Variants in FANCD2 observed in about 807,000 individuals in gnomAD.
The protein encoded by FANCD2 is FA complementation group D2.
Under a neutral mutation model 192.3 loss-of-function variants are expected in FANCD2, and 131 were observed. That is an observed-to-expected ratio of 0.68 (90% confidence interval 0.59 to 0.79). The LOEUF is 0.79. Among genes scored for constraint, FANCD2 ranks in the 30% least tolerant of loss-of-function variants. The pLI is 0.00. For missense variants in FANCD2, 1,508 were observed against 1,701.6 expected, an observed-to-expected ratio of 0.89 and a Z score of 2.00; for synonymous variants, 524 against 612.5, an observed-to-expected ratio of 0.86 and a Z score of 2.13.
At chr3:10,051,298 G>A (rs370987400) in intron 17 of FANCD2, among the ~76,000 whole-genome samples, 192 of 145,644 alleles carry the variant, frequency 1.3e-3, no homozygotes, top group Non-Finnish European at 2.3e-3. Context: ...GGAGAATGGC[G>A]TGAACCCAGG....
chr3:10,071,197 C>T (rs1693226052), intron 26 of FANCD2, among the ~76,000 whole-genome samples: 1 of 150,622 alleles, frequency 6.6e-6, no homozygotes, highest in Admixed American at 6.6e-5. Context: ...ATAACAGATG[C>T]TGGTGAGAAT....
At chr3:10,049,647 C>T (rs2087138660) in intron 17 of FANCD2, 142 bp downstream of exon 17, 2 of 832,926 alleles carry the variant, frequency 2.4e-6, no homozygotes, top group Non-Finnish European at 4.0e-6. Flanking sequence ...GCAAACACTT[C>T]TTTATACCTA....
Position 10,093,269 on chromosome 3 carries a change from T to G in FANCD2, c.3850-16T>G. The stretch of plus-strand genomic sequence containing the variant: ...AGCAGATCTCAGCCTTGGTTTCTTG[T>G]CTTTCACCTCTCCAGGTATTTGATA... On this transcript the variant is annotated splice_polypyrimidine_tract_variant and intron_variant, in intron 38 of 43. Transcript: ENST00000675286. 6.2e-7 allele frequency: 1 copy of G among 1,612,062 alleles called. No individual in the cohort carries two copies. Among genetic ancestry groups the G allele is most frequent in the South Asian group, 1.1e-5 (1 of 91,046 alleles).
chr3:10,078,320 G>A, intron 30 of FANCD2, 123 bp downstream of exon 30: 3 of 737,048 alleles, frequency 4.1e-6, no homozygotes, highest in Admixed American at 3.7e-5. Context: ...CATGGGTGCA[G>A]CCGTATTGCC....
At chr3:10,054,548 A>G (rs1167508098) in intron 18 of FANCD2, among the ~76,000 whole-genome samples, 2 of 120,050 alleles carry the variant, frequency 1.7e-5, no homozygotes, top group African/African-American at 3.3e-5. Context: ...CAGTGGCGCA[A>G]TCTCGGCTCC....
At chr3:10,047,524 G>T (rs1306141723) in intron 15 of FANCD2, among the ~76,000 whole-genome samples, 2 of 152,294 alleles carry the variant, frequency 1.3e-5, no homozygotes, top group African/African-American at 2.4e-5. Context: ...AAAAAAATCA[G>T]CTTAGTTAGC....
At position 10,039,325 on chromosome 3, in the gene FANCD2, C is replaced by T. The variant is rs373835427; in HGVS notation, c.538C>T (p.Leu180=). The T allele has an allele frequency of 7.9e-5, 128 of 1,613,774 alleles. No homozygotes were observed. Among genetic ancestry groups the T allele is most frequent in the Admixed American group, 2.3e-4 (14 of 60,004 alleles). ...INIPRLIVSQ[L]KWLDRVVDGK... ...CATACCTCGACTCATTGTCAGTCAA[C>T]TAAAATGGCTTGACAGAGTTGTGGA... The change falls in exon 8 of 44, where the codon CTA becomes TTA. Residue 180 remains leucine (L), a synonymous_variant. Coordinates refer to ENST00000675286, the MANE Select transcript of FANCD2 (RefSeq NM_001018115.3).
At chr3:10,031,274 C>T (rs570580490) in intron 2 of FANCD2, among the ~76,000 whole-genome samples, 21 of 152,138 alleles carry the variant, frequency 1.4e-4, no homozygotes, top group South Asian at 4.1e-4. Flanking sequence ...GTGGCCAAGG[C>T]GGGCAGATCA....
At chr3:10,057,429 A>G in intron 18 of FANCD2, among the ~76,000 whole-genome samples, 1 of 151,404 alleles carries the variant, frequency 6.6e-6, no homozygotes, top group Non-Finnish European at 1.5e-5. Context: ...CAGTGGCACA[A>G]TCTCAGCTCA....
Position 10,101,295 on chromosome 3 carries a change from T to A in FANCD2, c.*33T>A. 6.8e-7 allele frequency: 1 copy of A among 1,466,594 alleles called. No homozygotes were observed. Among genetic ancestry groups the A allele is most frequent in the Non-Finnish European group, 9.6e-7 (1 of 1,044,772 alleles). 90.8% of individuals were successfully genotyped at this position (1,466,594 alleles called of 1,614,324 possible). A position where few individuals can be genotyped will look rare whatever the true frequency, so the allele number is the denominator to read the frequency against. On this transcript the variant is annotated 3_prime_UTR_variant, in exon 44 of 44. Transcript: ENST00000675286. ...ATAAATTGTTGCCTGCTTCTGTGTC[T>A]CTGCCAGCCTGTGATCATTTTGTGT...
intron 40 of FANCD2, 65 bp from the exon 41 acceptor site, chr3:10,095,135 G>C (rs1437483103): frequency 7.5e-6 from 10 of 1,328,908 alleles, no homozygotes; most frequent in Admixed American, 6.9e-5. Flanking sequence ...TGATTGCAAG[G>C]GTATCTTGAA....
chr3:10,052,558 C>T, intron 18 of FANCD2, 61 bp downstream of exon 18: 1 of 1,148,674 alleles, frequency 8.7e-7, no homozygotes, highest in Non-Finnish European at 1.3e-6. Context: ...AGCTCTGTCT[C>T]CTAGACTGGA....
At chr3:10,046,953 C>G (rs1177253980) in intron 15 of FANCD2, among the ~76,000 whole-genome samples, 5 of 152,298 alleles carry the variant, frequency 3.3e-5, no homozygotes, top group African/African-American at 7.2e-5. Flanking sequence ...ATAGGACCAG[C>G]CTGTAGAAAC....
Position 10,063,787 on chromosome 3 carries a change from T to C in FANCD2, c.1828-5T>C, listed in dbSNP as rs1329543338. ...GGTTTAAACCATTCTTCCTCTTTGCTCCAGGTGACCTCCTTGTTGCAGTTG... is the reference window on the plus strand; with the variant it reads ...GGTTTAAACCATTCTTCCTCTTTGCCCCAGGTGACCTCCTTGTTGCAGTTG... On this transcript the variant is annotated splice_region_variant and splice_polypyrimidine_tract_variant and intron_variant, in intron 20 of 43. Coordinates refer to ENST00000675286, the MANE Select transcript of FANCD2 (RefSeq NM_001018115.3). The C allele has an allele frequency of 1.9e-6, 3 of 1,614,236 alleles. No individual in the cohort carries two copies. Among genetic ancestry groups the C allele is most frequent in the Non-Finnish European group, 2.5e-6 (3 of 1,180,040 alleles).
chr3:10,028,026 G>T (rs1289155792), intron 1 of FANCD2, among the ~76,000 whole-genome samples: 2 of 147,276 alleles, frequency 1.4e-5, no homozygotes, highest in Admixed American at 1.4e-4. Context: ...CAGCCTAGCC[G>T]ACATGGTGAA....
chr3:10,052,582 G>T (rs554043344), intron 18 of FANCD2, 85 bp downstream of exon 18: 3 of 901,072 alleles, frequency 3.3e-6, no homozygotes, highest in Non-Finnish European at 5.5e-6. Context: ...CAGTTGGCAC[G>T]ATCTCAGCTC....
rs1416443770 is a variant in FANCD2, at chr3:10,078,117, C to T, written c.2896C>T (p.Leu966Phe). The T allele has an allele frequency of 2.5e-6, 4 of 1,613,804 alleles. No homozygotes were observed. Among genetic ancestry groups the T allele is most frequent in the Non-Finnish European group, 3.4e-6 (4 of 1,179,868 alleles). Residue 966 changes from leucine to phenylalanine, a missense_variant, in exon 30 of 44, where the codon CTT becomes TTT. By Grantham distance (22) the Leu-to-Phe change is conservative (BLOSUM62 0). Transcript: ENST00000675286. The part of the protein sequence containing the change: ...EVVQLGPPEL[L>F]FLLEDLSQKL... ...TGTGCAACTTGGGCCCCCTGAGCTG[C>T]TTTTCTTGCTGGAAGATCTCTCCCA...
Position 10,063,860 on chromosome 3 carries a change from T to C in FANCD2, c.1896T>C (p.Tyr632=). The stretch of plus-strand genomic sequence containing the variant: ...CTCCTCAGGCCTCTGCACTTTACTA[T>C]GATGAATTTGCCAACCTGATCCAAC... ...EQSPQASALY[Y]DEFANLIQHE... The change falls in exon 21 of 44, where the codon TAT becomes TAC. Residue 632 remains tyrosine (Y), a synonymous_variant. Transcript: ENST00000675286. The C allele has an allele frequency of 2.5e-6, 4 of 1,614,258 alleles. No individual in the cohort carries two copies. The highest frequency in any genetic ancestry group is 3.4e-6 in the Non-Finnish European group (4 of 1,180,040).
At position 10,051,393 on chromosome 3, in the gene FANCD2, AAAAAAAAAAAAAAACAAAAAGGAGT is replaced by A. The variant is rs1288019623; in HGVS notation, c.1546-993_1546-969del. 3.1e-4 allele frequency among the ~76,000 whole-genome samples: 3 copies of A among 9,746 alleles called. 1 individual carries two copies. The highest frequency in any genetic ancestry group is 3.9e-3 in the African/African-American group (2 of 518). 6.4% of individuals were successfully genotyped at this position (9,746 alleles called of 152,430 possible). A position where few individuals can be genotyped will look rare whatever the true frequency, so the allele number is the denominator to read the frequency against. On this transcript the variant is annotated intron_variant, in intron 17 of 43. Transcript: ENST00000675286. ...GAGACTCCGTCTCAAAAAAAAAAAA[AAAAAAAAAAAAAAACAAAAAGGAGT>A]GAGGGATTTATCTCCCAGTGTTGGA... is the stretch of plus-strand genomic sequence containing the variant.
Sources: gnomAD v4.1 joint callset for allele counts (sites outside exome capture counted in the v4.1 genomes callset) on GRCh38, gnomAD v4.1.1 for gene constraint, MANE v1.5 for transcripts, NCBI Gene and HGNC (gene_info 2026-07-23, HGNC 2026-07-21) for gene names.